The following PPP1R9A variants were observed in gnomAD, a reference collection of about 807,000 sequenced individuals.
The protein encoded by PPP1R9A is neurabin-1.
In PPP1R9A, 59 loss-of-function variants were observed where a neutral mutation model predicts 141.9. The observed-to-expected ratio is 0.42, with a 90% confidence interval of 0.34 to 0.52. The LOEUF (loss-of-function observed/expected upper bound fraction) is 0.52. Among genes scored for constraint, PPP1R9A ranks in the 20% least tolerant of loss-of-function variants. The pLI, the probability that PPP1R9A is intolerant of heterozygous loss-of-function variation, is 0.10. For missense variants in PPP1R9A, 1,444 were observed against 1,611.9 expected (o/e 0.90, Z 1.78); for synonymous variants, 500 against 569.7 (o/e 0.88, Z 1.74).
intron 12 of PPP1R9A, among the ~76,000 whole-genome samples, chr7:95,261,877 A>C (rs1370864295): frequency 6.6e-6 from 1 of 152,086 alleles, no homozygotes; most frequent in African/African-American, 2.4e-5. Flanking sequence ...GTGAACCTTC[A>C]GTTTTCTTAC....
chr7:95,050,176 T>A (rs1455939613), intron 2 of PPP1R9A, among the ~76,000 whole-genome samples: 1 of 152,212 alleles, frequency 6.6e-6, no homozygotes, highest in Non-Finnish European at 1.5e-5. Context: ...GGATTTTGGC[T>A]ATTCTAATAC....
At chr7:95,063,538 C>G (rs1237557474) in intron 2 of PPP1R9A, among the ~76,000 whole-genome samples, 1 of 152,032 alleles carries the variant, frequency 6.6e-6, no homozygotes, top group African/African-American at 2.4e-5. Context: ...GTACTCCAGC[C>G]TGGGCAACAG....
intron 7 of PPP1R9A, among the ~76,000 whole-genome samples, chr7:95,214,706 T>C (rs77296062): frequency 0.016 from 2,508 of 152,242 alleles, 50 homozygotes; most frequent in Admixed American, 0.043. Context: ...TCCCAGCTTC[T>C]GGAGTATACT....
At chr7:95,281,130 A>T (rs191253125) in intron 16 of PPP1R9A, among the ~76,000 whole-genome samples, 4 of 152,320 alleles carry the variant, frequency 2.6e-5, no homozygotes, top group Non-Finnish European at 5.9e-5. Flanking sequence ...CTCACTGTTC[A>T]GTTCTTTAAG....
intron 2 of PPP1R9A, among the ~76,000 whole-genome samples, chr7:95,035,055 G>A (rs1808252998): frequency 6.6e-6 from 1 of 152,082 alleles, no homozygotes; most frequent in Non-Finnish European, 1.5e-5. Flanking sequence ...TAACTCCTGA[G>A]CTCAGTGCAG....
At chr7:94,944,487 A>C (rs548683139) in intron 2 of PPP1R9A, among the ~76,000 whole-genome samples, 2 of 138,390 alleles carry the variant, frequency 1.4e-5, no homozygotes, top group Admixed American at 8.7e-5. Flanking sequence ...ATTACTATCT[A>C]TGCCTGGGAA....
intron 4 of PPP1R9A, among the ~76,000 whole-genome samples, chr7:95,148,633 C>T (rs867861203): frequency 6.9e-5 from 10 of 145,604 alleles, no homozygotes; most frequent in Admixed American, 2.8e-4. Context: ...CACTTGAAGC[C>T]AGGAGTTTAT....
chr7:95,162,037 T>A, intron 5 of PPP1R9A, 66 bp downstream of exon 5: 1 of 974,970 alleles, frequency 1.0e-6, no homozygotes, highest in Non-Finnish European at 1.5e-6. Flanking sequence ...TTCTATAGTT[T>A]AACCTGCAAA....
At chr7:95,071,207 G>A (rs1342963750) in intron 2 of PPP1R9A, among the ~76,000 whole-genome samples, 2 of 151,914 alleles carry the variant, frequency 1.3e-5, no homozygotes, top group Middle Eastern at 3.2e-3. Flanking sequence ...AAGTATATTA[G>A]TGATTTTTTA....
intron 16 of PPP1R9A, among the ~76,000 whole-genome samples, chr7:95,278,229 C>T (rs1296622750): frequency 2.0e-5 from 3 of 152,166 alleles, no homozygotes; most frequent in Non-Finnish European, 1.5e-5. Context: ...TCTGCGTACA[C>T]TGTCCAGTAT....
At position 95,234,728 on chromosome 7, in the gene PPP1R9A, CAAG is replaced by C. The variant is rs147744358; in HGVS notation, c.2112+8618_2112+8620del. ...CCCACATAGCCAAAGGAAGGCTAAGCAAGAAGAACAAATTTGGAGGCATCACAT... is the reference window on the plus strand; with the variant it reads ...CCCACATAGCCAAAGGAAGGCTAAGCAAGAACAAATTTGGAGGCATCACAT... On this transcript the variant is annotated intron_variant, in intron 8 of 19. Coordinates refer to ENST00000433360, the MANE Select transcript of PPP1R9A (RefSeq NM_001166160.2). Among the ~76,000 whole-genome samples, 443 of 152,188 alleles carry C rather than the reference CAAG, an allele frequency of 2.9e-3. 2 individuals carry two copies. Among genetic ancestry groups the C allele is most frequent in the African/African-American group, 9.9e-3 (412 of 41,540 alleles).
intron 16 of PPP1R9A, among the ~76,000 whole-genome samples, chr7:95,275,333 G>A (rs563055436): frequency 1.2e-3 from 185 of 151,804 alleles, no homozygotes; most frequent in African/African-American, 4.2e-3. Context: ...GCTTGAACCC[G>A]GGAGGCGGAG....
chr7:95,160,780 G>T (rs564914456), intron 4 of PPP1R9A, among the ~76,000 whole-genome samples: 2 of 152,218 alleles, frequency 1.3e-5, no homozygotes, highest in South Asian at 4.1e-4. Flanking sequence ...TGCGGTATTT[G>T]ATTTTCTGTT....
intron 4 of PPP1R9A, among the ~76,000 whole-genome samples, chr7:95,153,415 T>A (rs1829068503): frequency 6.6e-6 from 1 of 152,198 alleles, no homozygotes; most frequent in Non-Finnish European, 1.5e-5. Flanking sequence ...TACTTTTTTA[T>A]CATTTTAAGC....
chr7:94,910,315 A>C lies in PPP1R9A; in HGVS notation c.202A>C (p.Asn68His), dbSNP rs752312802. 4 of 1,614,046 alleles carry C rather than the reference A, an allele frequency of 2.5e-6. No homozygotes were observed. The South Asian group carries it at 3.3e-5, about 13-fold the overall frequency. Residue 68 changes from asparagine (N) to histidine (H), a missense_variant, in exon 2 of 20, where the codon AAC (asparagine) becomes CAC (histidine). Asn to His is a moderately conservative substitution (Grantham distance 68, BLOSUM62 1). This residue lies in a region of PPP1R9A where 490 missense variants were observed against 521.1 expected (regional missense o/e 0.94). Transcript: ENST00000433360. The surrounding 1 kb of genome is among the most constrained non-coding windows in gnomAD (Gnocchi z 4.5). ...KYGSNVNRIK[N>H]LFMQMGMEPN... ...TGGCTCCAATGTCAACAGAATTAAA[A>C]ACCTATTTATGCAGATGGGTATGGA...
chr7:95,077,594 G>C (rs1192584340), intron 2 of PPP1R9A, among the ~76,000 whole-genome samples: 1 of 151,892 alleles, frequency 6.6e-6, no homozygotes, highest in Non-Finnish European at 1.5e-5. Flanking sequence ...ATTGTTAGCT[G>C]CCCCCCCAAT....
In PPP1R9A at chr7:95,251,787, G is replaced by A. The variant is rs778170394; in HGVS notation, c.2422G>A (p.Glu808Lys). Residue 808 changes from glutamate to lysine, a missense_variant, in exon 11 of 20, where the codon GAA becomes AAA. Coordinates refer to ENST00000433360, the MANE Select transcript of PPP1R9A (RefSeq NM_001166160.2). ...AGAGCTTGATTTCATCAAAAGACAGGAAGCAGAAAGAAAGAAAATAGAAGA... is the reference window on the plus strand; with the variant it reads ...AGAGCTTGATTTCATCAAAAGACAGAAAGCAGAAAGAAAGAAAATAGAAGA... ...QKELDFIKRQ[E>K]AERKKIEDLE... 7 of 1,613,714 alleles carry A rather than the reference G, an allele frequency of 4.3e-6. No homozygotes were observed. The South Asian group carries it at 7.7e-5, about 18-fold the overall frequency.
chr7:95,158,048 T>C (rs958388800), intron 4 of PPP1R9A, among the ~76,000 whole-genome samples: 1 of 152,214 alleles, frequency 6.6e-6, no homozygotes, highest in Admixed American at 6.5e-5. Flanking sequence ...TTTAGGAGAA[T>C]TGCCCTATGA....
intron 4 of PPP1R9A, among the ~76,000 whole-genome samples, chr7:95,127,293 A>G (rs538444316): frequency 4.6e-5 from 7 of 152,132 alleles, no homozygotes; most frequent in Non-Finnish European, 7.3e-5. Flanking sequence ...ATCAAATAGC[A>G]TGAAGCTTTC....
Sources: gnomAD v4.1 joint callset for allele counts (sites outside exome capture counted in the v4.1 genomes callset) on GRCh38, gnomAD v4.1.1 for gene constraint, gnomAD v4.1.1 regional missense constraint, Gnocchi (gnomAD v3.1) non-coding constraint, MANE v1.5 for transcripts, NCBI Gene and HGNC (gene_info 2026-07-23, HGNC 2026-07-21) for gene names.